ROBO1: variants seen among roughly 807,000 people sequenced by gnomAD.
ROBO1 encodes roundabout homolog 1.
In ROBO1, 149 loss-of-function variants were observed where a neutral mutation model predicts 195.9. The observed-to-expected ratio is 0.76, with a 90% CI of 0.67 to 0.87. The LOEUF is 0.87. ROBO1 is among the 40% of genes least tolerant of loss of function. ROBO1 has a pLI of 0.00. For synonymous variants in ROBO1, 816 were observed against 733.2 expected (o/e 1.11, Z -1.82); for missense variants, 1,933 against 2,068.3 (o/e 0.93, Z 1.27).
chr3:78,715,461 A>G (rs550294084), intron 7 of ROBO1, among the ~76,000 whole-genome samples: 1 of 152,196 alleles, frequency 6.6e-6, no homozygotes, highest in East Asian at 1.9e-4. Context: ...ACAACCACAA[A>G]AATCGTGTCC....
intron 1 of ROBO1, among the ~76,000 whole-genome samples, chr3:79,718,689 A>T (rs1229670967): frequency 1.3e-5 from 2 of 152,064 alleles, no homozygotes; most frequent in African/African-American, 4.8e-5. Context: ...ATGGGCATGG[A>T]AATAGAGTAT....
At chr3:79,638,107 T>A (rs778171810) in intron 1 of ROBO1, among the ~76,000 whole-genome samples, 1 of 152,144 alleles carries the variant, frequency 6.6e-6, no homozygotes, top group Non-Finnish European at 1.5e-5. Flanking sequence ...ACTACTCCAT[T>A]AGGAAAGTAA....
chr3:79,449,963 G>A (rs1014319765), intron 2 of ROBO1, among the ~76,000 whole-genome samples: 1 of 152,006 alleles, frequency 6.6e-6, no homozygotes, highest in Non-Finnish European at 1.5e-5. Context: ...ACCCAAGAGT[G>A]ACTTCAACAT....
chr3:78,659,425 G>C (rs1226011358), intron 17 of ROBO1, among the ~76,000 whole-genome samples: 1 of 152,022 alleles, frequency 6.6e-6, no homozygotes, highest in Non-Finnish European at 1.5e-5. Context: ...AGTCTTATTT[G>C]GGCCTTAACT....
chr3:79,500,330 A>T (rs1398225494), intron 2 of ROBO1, among the ~76,000 whole-genome samples: 1 of 151,362 alleles, frequency 6.6e-6, no homozygotes, highest in Non-Finnish European at 1.5e-5. Context: ...GGGTTTCACC[A>T]TGTTGGCCAG....
chr3:79,039,801 C>CAGAAAAAAA (rs2078450484), intron 3 of ROBO1, among the ~76,000 whole-genome samples: 1 of 51,314 alleles, frequency 1.9e-5, no homozygotes, highest in African/African-American at 8.5e-5. Context: ...GACTCCGTCT[C>CAGAAAAAAA]AAAAAAAAAA....
intron 4 of ROBO1, among the ~76,000 whole-genome samples, chr3:78,904,446 C>T (rs928924256): frequency 1.3e-5 from 2 of 151,982 alleles, no homozygotes; most frequent in Non-Finnish European, 1.5e-5. Flanking sequence ...TTTCTTCTGG[C>T]TATTAAGACT....
chr3:79,580,999 A>G (rs1455470149), intron 2 of ROBO1, among the ~76,000 whole-genome samples: 1 of 152,224 alleles, frequency 6.6e-6, no homozygotes, highest in East Asian at 1.9e-4. Flanking sequence ...CAAAGGATAC[A>G]TGCACGTGGC....
intron 1 of ROBO1, among the ~76,000 whole-genome samples, chr3:79,616,710 C>T (rs1368427220): frequency 2.0e-5 from 3 of 152,084 alleles, no homozygotes; most frequent in Non-Finnish European, 2.9e-5. Context: ...CTCTCACCCC[C>T]TTATCCACTG....
chr3:79,609,976 T>C (rs1294807981), intron 1 of ROBO1, among the ~76,000 whole-genome samples: 5 of 151,944 alleles, frequency 3.3e-5, no homozygotes, highest in Non-Finnish European at 4.4e-5. Flanking sequence ...TTGAACTGTA[T>C]AGGTAAAGAT....
chr3:79,183,533 G>T (rs2081383476), intron 2 of ROBO1, among the ~76,000 whole-genome samples: 1 of 152,212 alleles, frequency 6.6e-6, no homozygotes, highest in African/African-American at 2.4e-5. Flanking sequence ...CATGGGTAAG[G>T]AAACAAGAAA....
At chr3:78,612,904 A>G (rs1703903734) in intron 28 of ROBO1, among the ~76,000 whole-genome samples, 1 of 152,208 alleles carries the variant, frequency 6.6e-6, no homozygotes, top group Non-Finnish European at 1.5e-5. Context: ...TTGGCTTCAT[A>G]AATATTTCAA....
chr3:79,168,575 C>T (rs1297045778), intron 2 of ROBO1, among the ~76,000 whole-genome samples: 1 of 151,982 alleles, frequency 6.6e-6, no homozygotes, highest in Non-Finnish European at 1.5e-5. Flanking sequence ...TACTATTTTG[C>T]TTATATTGCT....
At chr3:79,043,222 C>T (rs908986516) in intron 3 of ROBO1, among the ~76,000 whole-genome samples, 1 of 151,960 alleles carries the variant, frequency 6.6e-6, no homozygotes, top group East Asian at 1.9e-4. Context: ...TAATACAGTA[C>T]AAAAAACAAG....
At chr3:78,646,430 C>T (rs1221778306) in intron 20 of ROBO1, among the ~76,000 whole-genome samples, 1 of 150,434 alleles carries the variant, frequency 6.6e-6, no homozygotes, top group Non-Finnish European at 1.5e-5. Flanking sequence ...CTATATATCA[C>T]TCTTATTTTC....
At chr3:79,596,423 G>T (rs1211272939) in intron 1 of ROBO1, among the ~76,000 whole-genome samples, 1 of 151,992 alleles carries the variant, frequency 6.6e-6, no homozygotes, top group Admixed American at 6.6e-5. Flanking sequence ...TAAAGGGTCT[G>T]TTGAAGTTGC....
chr3:79,491,949 A>G (rs1368451215), intron 2 of ROBO1, among the ~76,000 whole-genome samples: 1 of 152,134 alleles, frequency 6.6e-6, no homozygotes, highest in Admixed American at 6.5e-5. Flanking sequence ...TGCTTACAGC[A>G]GTAGTGTGAA....
intron 3 of ROBO1, among the ~76,000 whole-genome samples, chr3:79,003,753 T>C (rs1477790606): frequency 2.0e-5 from 3 of 152,158 alleles, no homozygotes; most frequent in Non-Finnish European, 4.4e-5. Context: ...CCGGAAGCCT[T>C]ATAACCTATG....
At chr3:78,745,770 G>A (rs767154700) in intron 5 of ROBO1, among the ~76,000 whole-genome samples, 2 of 152,050 alleles carry the variant, frequency 1.3e-5, no homozygotes, top group Admixed American at 6.6e-5. Flanking sequence ...TTTCTTTCAA[G>A]GTCTCTAACA....
Sources: allele counts gnomAD v4.1 joint callset (sites outside exome capture counted in the v4.1 genomes callset), GRCh38; gene constraint gnomAD v4.1.1; transcripts MANE v1.5; gene names NCBI Gene and HGNC (gene_info 2026-07-23, HGNC 2026-07-21).